PCSK2: variants seen among roughly 807,000 people sequenced by gnomAD.
The protein encoded by PCSK2 is neuroendocrine convertase 2.
Under a neutral mutation model 69.7 loss-of-function variants are expected in PCSK2, and 14 were observed. That is an observed-to-expected ratio of 0.20 (90% confidence interval 0.13 to 0.31). PCSK2 has a LOEUF of 0.31. Ranked by LOEUF, PCSK2 falls within the 10% of genes least tolerant of loss-of-function variation. The pLI is 1.00. For synonymous variants in PCSK2, 307 were observed against 320.7 expected (o/e 0.96, Z 0.46); for missense variants, 544 against 842.5 (o/e 0.65, Z 4.39).
chr20:17,322,098 T>A (rs1188066436), intron 2 of PCSK2, among the ~76,000 whole-genome samples: 1 of 152,110 alleles, frequency 6.6e-6, no homozygotes, highest in African/African-American at 2.4e-5. Flanking sequence ...CAATCTTATC[T>A]ACTCTTCAAA....
chr20:17,252,645 G>A (rs912612653), intron 1 of PCSK2, among the ~76,000 whole-genome samples: 3 of 152,174 alleles, frequency 2.0e-5, no homozygotes, highest in Non-Finnish European at 2.9e-5. Context: ...CAGAACTCAT[G>A]TTCTTAAACC....
chr20:17,479,796 CAAAAAAAAAA>C (rs5840770), intron 11 of PCSK2, among the ~76,000 whole-genome samples: 4 of 89,768 alleles, frequency 4.5e-5, no homozygotes, highest in South Asian at 5.2e-4. Flanking sequence ...GACTCCGTCT[CAAAAAAAAAA>C]AAAAAAAAAA....
intron 2 of PCSK2, among the ~76,000 whole-genome samples, chr20:17,344,407 A>G (rs1236372840): frequency 1.3e-5 from 2 of 152,214 alleles, no homozygotes; most frequent in Non-Finnish European, 2.9e-5. Context: ...CAATGCATGA[A>G]ATATGAACAA....
intron 2 of PCSK2, among the ~76,000 whole-genome samples, chr20:17,356,905 A>G (rs753332899): frequency 3.3e-5 from 5 of 151,938 alleles, no homozygotes; most frequent in Non-Finnish European, 7.4e-5. Flanking sequence ...GCAGAGGGAG[A>G]CTCTAATGCC....
chr20:17,456,013 G>A (rs1413412107), intron 9 of PCSK2, among the ~76,000 whole-genome samples: 1 of 152,208 alleles, frequency 6.6e-6, no homozygotes, highest in Non-Finnish European at 1.5e-5. Context: ...GCTGAGGCAG[G>A]TGGATCACCT....
intron 6 of PCSK2, among the ~76,000 whole-genome samples, chr20:17,428,813 AC>A (rs2032301994): frequency 6.6e-6 from 1 of 151,920 alleles, no homozygotes; most frequent in Non-Finnish European, 1.5e-5. Context: ...AGCCTGGGCA[AC>A]ATGGGAAACC....
At chr20:17,255,696 CAT>C (rs1398658256) in intron 1 of PCSK2, among the ~76,000 whole-genome samples, 9 of 152,266 alleles carry the variant, frequency 5.9e-5, no homozygotes, top group African/African-American at 2.2e-4. Flanking sequence ...TATTTTGTCA[CAT>C]GTTTTTCTGC....
intron 8 of PCSK2, among the ~76,000 whole-genome samples, chr20:17,452,630 G>A (rs1488185460): frequency 1.3e-5 from 2 of 152,264 alleles, no homozygotes; most frequent in East Asian, 3.9e-4. Context: ...CCCTCTAGAG[G>A]GTAACCAAGC....
Position 17,469,110 on chromosome 20 carries a change from C to T in PCSK2, c.1430+3557C>T, listed in dbSNP as rs1037157669. On this transcript the variant is annotated intron_variant, in intron 11 of 11. Transcript: ENST00000262545. ...AAAATAGCTACTCTGCACAGTTCCTCACCATTTTCCAAAGCTTCTGTGTCC... is the reference window on the plus strand; with the variant it reads ...AAAATAGCTACTCTGCACAGTTCCTTACCATTTTCCAAAGCTTCTGTGTCC... Among the ~76,000 whole-genome samples the T allele has an allele frequency of 2.6e-5, 4 of 152,384 alleles. No homozygotes were observed. The South Asian group carries it at 8.3e-4, about 32-fold the overall frequency.
intron 5 of PCSK2, among the ~76,000 whole-genome samples, chr20:17,389,576 G>A (rs751584706): frequency 6.6e-6 from 1 of 152,164 alleles, no homozygotes; most frequent in Non-Finnish European, 1.5e-5. Flanking sequence ...TGCAGCTTCA[G>A]GGACCATCGG....
At chr20:17,448,923 A>G (rs2328147) in intron 8 of PCSK2, among the ~76,000 whole-genome samples, 98,068 of 145,496 alleles carry the variant, frequency 0.67, 33,038 homozygotes, top group African/African-American at 0.76. Flanking sequence ...CCTTTCACCC[A>G]GGCTGGAGTG....
At chr20:17,271,952 A>T (rs931958631) in intron 2 of PCSK2, among the ~76,000 whole-genome samples, 2 of 152,108 alleles carry the variant, frequency 1.3e-5, no homozygotes, top group African/African-American at 4.8e-5. Context: ...TGACTTCATT[A>T]TTTGCCAAGG....
chr20:17,321,054 T>C (rs1298674540), intron 2 of PCSK2, among the ~76,000 whole-genome samples: 1 of 152,220 alleles, frequency 6.6e-6, no homozygotes, highest in Non-Finnish European at 1.5e-5. Context: ...GGTTATGTTG[T>C]TGTTGTTATG....
intron 2 of PCSK2, among the ~76,000 whole-genome samples, chr20:17,277,255 T>C (rs1318329444): frequency 1.3e-5 from 2 of 152,128 alleles, no homozygotes; most frequent in African/African-American, 4.8e-5. Flanking sequence ...GAGCCTGCAT[T>C]GCCAAGTCAA....
At chr20:17,371,482 G>A (rs1313509639) in intron 5 of PCSK2, among the ~76,000 whole-genome samples, 1 of 152,096 alleles carries the variant, frequency 6.6e-6, no homozygotes, top group Admixed American at 6.5e-5. Context: ...AACTCTTATC[G>A]GTTCTGTGAG....
intron 2 of PCSK2, among the ~76,000 whole-genome samples, chr20:17,334,825 T>C (rs1364821487): frequency 6.6e-6 from 1 of 152,186 alleles, no homozygotes; most frequent in Non-Finnish European, 1.5e-5. Flanking sequence ...TGGTATTTCA[T>C]TTCTAATTAC....
intron 2 of PCSK2, among the ~76,000 whole-genome samples, chr20:17,345,030 A>C (rs966942573): frequency 1.3e-5 from 2 of 152,218 alleles, no homozygotes; most frequent in Non-Finnish European, 2.9e-5. Flanking sequence ...AAGTGATAAC[A>C]CCTGGATGTG....
chr20:17,275,088 T>C (rs1359090327), intron 2 of PCSK2, among the ~76,000 whole-genome samples: 3 of 15,852 alleles, frequency 1.9e-4, no homozygotes, highest in Admixed American at 4.4e-4. Flanking sequence ...TTTATACATA[T>C]ATATATATAT....
chr20:17,475,619 C>T (rs952114455), intron 11 of PCSK2, among the ~76,000 whole-genome samples: 3 of 152,120 alleles, frequency 2.0e-5, no homozygotes, highest in African/African-American at 7.2e-5. Flanking sequence ...ACAAGGCAAG[C>T]AATGCCATTT....
Sources: gnomAD v4.1 joint callset for allele counts (sites outside exome capture counted in the v4.1 genomes callset) on GRCh38, gnomAD v4.1.1 for gene constraint, MANE v1.5 for transcripts, NCBI Gene and HGNC (gene_info 2026-07-23, HGNC 2026-07-21) for gene names.